The following TOX2 variants were observed in gnomAD, a reference collection of about 807,000 sequenced individuals.
The protein encoded by TOX2 is granulosa cell HMG box 1.
Under a neutral mutation model 47.4 loss-of-function variants are expected in TOX2, and 15 were observed. The ratio of observed to expected loss-of-function variants is 0.32; its 90% CI spans 0.21 to 0.49. The LOEUF (loss-of-function observed/expected upper bound fraction) is 0.49, where lower values mean the gene tolerates loss of function less well. Ranked by LOEUF, TOX2 falls within the 20% of genes least tolerant of loss-of-function variation. The probability of loss-of-function intolerance (pLI) is 0.99; values close to 1 mark genes in which losing one functional copy is unlikely to be tolerated. For missense variants in TOX2, 622 were observed against 673.1 expected, an observed-to-expected ratio of 0.92 and a Z score of 0.84; for synonymous variants, 290 against 296.6, an observed-to-expected ratio of 0.98 and a Z score of 0.23.
intron 3 of TOX2, among the ~76,000 whole-genome samples, chr20:44,035,464 G>A (rs893000872): frequency 5.9e-5 from 9 of 152,158 alleles, no homozygotes; most frequent in South Asian, 2.1e-4. Flanking sequence ...CTCGGTGGCC[G>A]CCGCCTTCTG....
chr20:44,062,302 A>T (rs1408322208), intron 5 of TOX2, among the ~76,000 whole-genome samples: 1 of 151,938 alleles, frequency 6.6e-6, no homozygotes, highest in Non-Finnish European at 1.5e-5. Context: ...AAATCAATAG[A>T]TCTGCTATAC....
chr20:43,985,518 C>T (rs1021001483), intron 2 of TOX2, among the ~76,000 whole-genome samples: 6 of 152,158 alleles, frequency 3.9e-5, no homozygotes, highest in African/African-American at 1.4e-4. Flanking sequence ...TTCTGAGCTT[C>T]AATTTTGTCT....
intron 1 of TOX2, among the ~76,000 whole-genome samples, chr20:43,925,234 C>T (rs2069152085): frequency 6.6e-6 from 1 of 152,022 alleles, no homozygotes; most frequent in Non-Finnish European, 1.5e-5. Context: ...TCTCGGTTGA[C>T]ATTTAAATTT....
intron 3 of TOX2, among the ~76,000 whole-genome samples, chr20:44,039,412 T>G (rs150271538): frequency 6.6e-6 from 1 of 151,836 alleles, no homozygotes; most frequent in Admixed American, 6.6e-5. Flanking sequence ...TGCTGAGAGA[T>G]GGAGAGCAGG....
intron 1 of TOX2, among the ~76,000 whole-genome samples, chr20:43,917,829 A>C (rs2069074646): frequency 6.6e-6 from 1 of 152,220 alleles, no homozygotes; most frequent in South Asian, 2.1e-4. Flanking sequence ...AAAATAGCTT[A>C]ACAGGTATGA....
intron 2 of TOX2, among the ~76,000 whole-genome samples, chr20:43,990,481 C>T (rs2070350590): frequency 6.6e-6 from 1 of 152,074 alleles, no homozygotes; most frequent in Admixed American, 6.6e-5. Flanking sequence ...TCACTGGGCC[C>T]CATTTGTGGT....
At chr20:43,949,598 G>A (rs1180134242) in intron 1 of TOX2, among the ~76,000 whole-genome samples, 2 of 152,100 alleles carry the variant, frequency 1.3e-5, no homozygotes, top group African/African-American at 2.4e-5. Flanking sequence ...TCCTAAATCC[G>A]CTTCCCCACT....
chr20:43,955,454 CTT>C (rs2069651169), intron 1 of TOX2, among the ~76,000 whole-genome samples: 4 of 152,156 alleles, frequency 2.6e-5, no homozygotes, highest in Admixed American at 1.3e-4. Context: ...GGGGTTAAAG[CTT>C]AGGGCAGGGT....
rs3037502 is a variant in TOX2 at position 44,044,422 on chromosome 20, T to TA, written c.412-6870dup. Among the ~76,000 whole-genome samples, 1,002 of 143,502 alleles carry TA rather than the reference T, an allele frequency of 7.0e-3. 12 individuals carry two copies. The highest frequency in any genetic ancestry group is 0.023 in the African/African-American group (896 of 38,370). 94.1% of individuals were successfully genotyped at this position (143,502 alleles called of 152,430 possible). On this transcript the variant is annotated intron_variant, in intron 3 of 8. Transcript: ENST00000341197. ...CACATGTACCCTAGAACTTAAAGCA[T>TA]AAAAAAAAAAAAAAGAAATGCAAAA...
At chr20:44,032,463 G>T (rs984854182) in intron 3 of TOX2, among the ~76,000 whole-genome samples, 2 of 152,230 alleles carry the variant, frequency 1.3e-5, no homozygotes, top group Non-Finnish European at 2.9e-5. Context: ...GAGCCCTGTG[G>T]TGGGAGGCTG....
At chr20:44,000,588 G>A (rs2070559851) in intron 2 of TOX2, among the ~76,000 whole-genome samples, 1 of 152,114 alleles carries the variant, frequency 6.6e-6, no homozygotes, top group African/African-American at 2.4e-5. Flanking sequence ...GGAAGGTCTG[G>A]CTCGGTGGTA....
chr20:44,047,014 T>A (rs2071420257), intron 3 of TOX2, among the ~76,000 whole-genome samples: 3 of 152,172 alleles, frequency 2.0e-5, no homozygotes, highest in Non-Finnish European at 2.9e-5. Flanking sequence ...CTGATCTTGA[T>A]AACAAAGGAT....
chr20:43,932,507 A>C (rs1339703634), intron 1 of TOX2, among the ~76,000 whole-genome samples: 1 of 152,224 alleles, frequency 6.6e-6, no homozygotes, highest in Non-Finnish European at 1.5e-5. Context: ...AATTAGGACG[A>C]TTAGCAAAAG....
intron 2 of TOX2, 31 bp from the exon 3 acceptor site, chr20:44,006,516 C>A (rs766646995): frequency 1.3e-6 from 2 of 1,583,894 alleles, no homozygotes; most frequent in South Asian, 1.2e-5. Context: ...AAGGCACTGA[C>A]CCCCACCGAC....
chr20:44,067,186 C>CAG (rs2071839772), intron 8 of TOX2, among the ~76,000 whole-genome samples: 1 of 151,858 alleles, frequency 6.6e-6, no homozygotes, highest in Non-Finnish European at 1.5e-5. Context: ...GAAGCAGAGC[C>CAG]TGAGGCAGCA....
intron 2 of TOX2, among the ~76,000 whole-genome samples, chr20:44,001,895 G>A (rs1475406989): frequency 6.6e-6 from 1 of 152,138 alleles, no homozygotes; most frequent in Non-Finnish European, 1.5e-5. Context: ...ACTGTGCTAG[G>A]CACTGAGGAC....
chr20:43,993,505 A>C (rs1297572998), intron 2 of TOX2, among the ~76,000 whole-genome samples: 4 of 152,126 alleles, frequency 2.6e-5, no homozygotes, highest in Non-Finnish European at 5.9e-5. Context: ...CCAGGTACCC[A>C]GCTTGAGCCA....
chr20:43,965,438 G>A lies in TOX2; in HGVS notation c.100-7929G>A, dbSNP rs534692056. 2.3e-4 allele frequency among the ~76,000 whole-genome samples: 35 copies of A among 152,308 alleles called. No homozygotes were observed. The East Asian group carries it at 3.7e-3, about 16-fold the overall frequency. On this transcript the variant is annotated intron_variant, in intron 1 of 8. Coordinates refer to ENST00000341197, the MANE Select transcript of TOX2 (RefSeq NM_001098797.2). ...TGGGGGTTCCTTGAAGGCAGGGGCC[G>A]TGTCATCATCATTCTGGCATGCCTG...
At chr20:44,065,617 C>T (rs999600785) in intron 6 of TOX2, 95 bp from the exon 7 acceptor site, 17 of 1,419,818 alleles carry the variant, frequency 1.2e-5, no homozygotes, top group Admixed American at 6.7e-5. Flanking sequence ...AGCCAGCAGC[C>T]GTGTCAGTGG....
Sources: gnomAD v4.1 joint callset for allele counts (sites outside exome capture counted in the v4.1 genomes callset) on GRCh38, gnomAD v4.1.1 for gene constraint, MANE v1.5 for transcripts, NCBI Gene and HGNC (gene_info 2026-07-23, HGNC 2026-07-21) for gene names.